The following PCDH15 variants were observed in gnomAD, a reference collection of about 807,000 sequenced individuals.
PCDH15 encodes protocadherin related 15.
A neutral mutation model predicts 178.5 loss-of-function variants in PCDH15; 129 were observed. The observed-to-expected ratio is 0.72, with a 90% CI of 0.63 to 0.84. PCDH15 has a LOEUF of 0.84. Ranked by LOEUF, PCDH15 falls within the 40% of genes least tolerant of loss-of-function variation. PCDH15 has a pLI of 0.00. For synonymous variants in PCDH15, 800 were observed against 732.0 expected, an observed-to-expected ratio of 1.09 and a Z score of -1.50; for missense variants, 2,230 against 2,099.9, an observed-to-expected ratio of 1.06 and a Z score of -1.21.
chr10:53,893,348 C>A (rs2081715311), intron 26 of PCDH15, among the ~76,000 whole-genome samples: 1 of 151,994 alleles, frequency 6.6e-6, no homozygotes, highest in African/African-American at 2.4e-5. Flanking sequence ...TTGTAATCAG[C>A]CCAAAAGAGT....
chr10:54,307,087 T>C (rs1348670752), intron 8 of PCDH15, among the ~76,000 whole-genome samples: 1 of 9,826 alleles, frequency 1.0e-4, no homozygotes, highest in East Asian at 1.9e-3. Context: ...TATACATATA[T>C]ATATATGTGT....
intron 36 of PCDH15, 89 bp downstream of exon 36, chr10:53,811,460 A>C: frequency 1.2e-6 from 1 of 813,898 alleles, no homozygotes; most frequent in Non-Finnish European, 1.8e-6. Flanking sequence ...GACATTAAAA[A>C]CAAATTCTAG....
At chr10:54,541,411 T>C (rs2085207139) in intron 2 of PCDH15, among the ~76,000 whole-genome samples, 1 of 152,170 alleles carries the variant, frequency 6.6e-6, no homozygotes, top group Admixed American at 6.5e-5. Flanking sequence ...ATTGTTTAAA[T>C]TACATAGTGA....
chr10:55,075,056 T>C (rs1253866791), intron 2 of PCDH15, among the ~76,000 whole-genome samples: 1 of 152,162 alleles, frequency 6.6e-6, no homozygotes, highest in Admixed American at 6.5e-5. Context: ...AGTTCTCTAT[T>C]CTGTTCCATT....
chr10:54,163,037 C>A (rs1590879944), intron 13 of PCDH15, among the ~76,000 whole-genome samples: 1 of 151,762 alleles, frequency 6.6e-6, no homozygotes, highest in East Asian at 1.9e-4. Context: ...ATATGGTGAC[C>A]CCATATCCTG....
intron 2 of PCDH15, among the ~76,000 whole-genome samples, chr10:55,519,945 T>C (rs1167776947): frequency 6.6e-6 from 1 of 150,438 alleles, no homozygotes; most frequent in Non-Finnish European, 1.5e-5. Context: ...ACCTCTTGAA[T>C]CAAGTCAGTA....
intron 2 of PCDH15, among the ~76,000 whole-genome samples, chr10:54,662,853 A>G (rs1333412442): frequency 6.6e-6 from 1 of 151,982 alleles, no homozygotes; most frequent in Non-Finnish European, 1.5e-5. Context: ...CTCTTGAACT[A>G]TAGAGTCACA....
chr10:54,435,852 C>A (rs1258368087), intron 3 of PCDH15, among the ~76,000 whole-genome samples: 1 of 151,894 alleles, frequency 6.6e-6, no homozygotes, highest in South Asian at 2.1e-4. Context: ...CGCCTGTAGT[C>A]CCAGCTACTC....
chr10:54,088,663 G>A (rs937584336), intron 16 of PCDH15, among the ~76,000 whole-genome samples: 1 of 151,990 alleles, frequency 6.6e-6, no homozygotes, highest in Non-Finnish European at 1.5e-5. Flanking sequence ...TCTTCTATGT[G>A]GAATGCAGTT....
At chr10:54,534,500 TGAG>T (rs1387630712) in intron 2 of PCDH15, among the ~76,000 whole-genome samples, 1 of 152,182 alleles carries the variant, frequency 6.6e-6, no homozygotes, top group African/African-American at 2.4e-5. Context: ...GCCCCTGATA[TGAG>T]TTGGTGAGAT....
intron 2 of PCDH15, among the ~76,000 whole-genome samples, chr10:55,388,182 T>C (rs1332177064): frequency 6.6e-6 from 1 of 152,046 alleles, no homozygotes; most frequent in African/African-American, 2.4e-5. Context: ...GAAACACCGC[T>C]TCACAAATAT....
intron 3 of PCDH15, among the ~76,000 whole-genome samples, chr10:54,505,296 C>T (rs1226880325): frequency 6.6e-6 from 1 of 151,986 alleles, no homozygotes. Context: ...ATACACAGGT[C>T]TCTGTATGTA....
chr10:55,468,243 C>T (rs1839881200), intron 2 of PCDH15: 1 of 152,100 alleles, frequency 6.6e-6, no homozygotes, highest in Admixed American at 6.5e-5. Flanking sequence ...ACTTTTACAA[C>T]TCAGATAAGT....
At chr10:54,514,217 TTAAC>T (rs1343749646) in intron 3 of PCDH15, among the ~76,000 whole-genome samples, 2 of 152,174 alleles carry the variant, frequency 1.3e-5, no homozygotes, top group African/African-American at 2.4e-5. Flanking sequence ...AGTCTTAATT[TTAAC>T]TAATAGTCAA....
chr10:54,819,869 G>A (rs60134821), intron 3 of PCDH15, among the ~76,000 whole-genome samples: 6,316 of 152,100 alleles, frequency 0.042, 388 homozygotes, highest in African/African-American at 0.14. Flanking sequence ...CTGTGAAGAA[G>A]AAGTGTAGTC....
At chr10:53,855,902 A>ATG (rs1024030345) in intron 28 of PCDH15, among the ~76,000 whole-genome samples, 1 of 112,792 alleles carries the variant, frequency 8.9e-6, no homozygotes. Context: ...AAAAGGTGAT[A>ATG]TGTATATATA....
chr10:55,412,205 A>G (rs1424686847), intron 2 of PCDH15, among the ~76,000 whole-genome samples: 1 of 152,018 alleles, frequency 6.6e-6, no homozygotes, highest in Non-Finnish European at 1.5e-5. Flanking sequence ...ATTAAGCTGT[A>G]TCTGGGTCTC....
At chr10:55,318,233 A>G (rs952174243) in intron 1 of PCDH15, among the ~76,000 whole-genome samples, 1 of 152,054 alleles carries the variant, frequency 6.6e-6, no homozygotes, top group African/African-American at 2.4e-5. Context: ...AGAGAGAGAG[A>G]GGGAGAGAGA....
rs575700525 is a variant in PCDH15 at position 54,343,000 on chromosome 10, A to C, written c.594+3365T>G. The stretch of plus-strand genomic sequence containing the variant: ...AACTTGTTTTTGATTTTATAGGCTT[A>C]TGGGTTAAAGGGAATTGACTTGTCT... On this transcript the variant is annotated intron_variant, in intron 6 of 37. Transcript: ENST00000644397. Among the ~76,000 whole-genome samples, 222 of 152,262 alleles carry C rather than the reference A, an allele frequency of 1.5e-3. 2 individuals carry two copies. The highest frequency in any genetic ancestry group is 2.3e-3 in the Non-Finnish European group (158 of 68,016).
Sources: allele counts gnomAD v4.1 joint callset (sites outside exome capture counted in the v4.1 genomes callset), GRCh38; gene constraint gnomAD v4.1.1; transcripts MANE v1.5; gene names NCBI Gene and HGNC (gene_info 2026-07-23, HGNC 2026-07-21).